Variants in CC2D2A observed in about 807,000 individuals in gnomAD.
The protein encoded by CC2D2A is coiled-coil and C2 domain containing 2A, also known as coiled-coil and C2 domain-containing protein 2A.
CC2D2A carries 155 observed loss-of-function variants against 212.9 expected under a neutral mutation model. The ratio of observed to expected loss-of-function variants is 0.73; its 90% confidence interval spans 0.64 to 0.83. The LOEUF (loss-of-function observed/expected upper bound fraction) is 0.83. Among genes scored for constraint, CC2D2A ranks in the 40% least tolerant of loss-of-function variants. The pLI, the probability that CC2D2A is intolerant of heterozygous loss-of-function variation, is 0.00. For synonymous variants in CC2D2A, 667 were observed against 686.5 expected (o/e 0.97, Z 0.44); for missense variants, 1,856 against 1,956.2 (o/e 0.95, Z 0.97).
chr4:15,515,661 C>T (rs548937949), intron 9 of CC2D2A, among the ~76,000 whole-genome samples: 11 of 152,272 alleles, frequency 7.2e-5, no homozygotes, highest in Non-Finnish European at 1.3e-4. Flanking sequence ...AATTTTTAGG[C>T]GTTTTCTTTA....
chr4:15,561,079 G>A (rs1719573171), intron 23 of CC2D2A, among the ~76,000 whole-genome samples: 1 of 152,202 alleles, frequency 6.6e-6, no homozygotes, highest in African/African-American at 2.4e-5. Flanking sequence ...CACAGCTGGT[G>A]GGCAGAGAGC....
chr4:15,513,718 C>T (rs753273099), intron 8 of CC2D2A, among the ~76,000 whole-genome samples: 5 of 152,224 alleles, frequency 3.3e-5, no homozygotes, highest in African/African-American at 7.2e-5. Context: ...TTGCTCACCA[C>T]GAAGCAGAGG....
At chr4:15,500,844 G>T (rs933733052) in intron 4 of CC2D2A, among the ~76,000 whole-genome samples, 1 of 152,054 alleles carries the variant, frequency 6.6e-6, no homozygotes, top group African/African-American at 2.4e-5. Context: ...CAAGCGTGAG[G>T]ATCCTTCTCT....
At chr4:15,572,560 G>A (rs1161643558) in intron 28 of CC2D2A, among the ~76,000 whole-genome samples, 1 of 151,452 alleles carries the variant, frequency 6.6e-6, no homozygotes, top group African/African-American at 2.4e-5. Context: ...CATCTAGTGT[G>A]CAGATGCTAG....
intron 19 of CC2D2A, among the ~76,000 whole-genome samples, chr4:15,554,051 C>T (rs535220646): frequency 3.3e-5 from 5 of 152,290 alleles, no homozygotes. Flanking sequence ...TCCCTTGATG[C>T]CTTCAATCCC....
At chr4:15,579,474 C>T (rs538167012) in intron 29 of CC2D2A, among the ~76,000 whole-genome samples, 12 of 152,212 alleles carry the variant, frequency 7.9e-5, no homozygotes, top group African/African-American at 2.9e-4. Flanking sequence ...TTAGTTATTT[C>T]ACTGCTTATG....
chr4:15,586,953 A>G lies in CC2D2A; in HGVS notation c.4065+707A>G, dbSNP rs1024169517. On this transcript the variant is annotated intron_variant, in intron 31 of 36. Transcript: ENST00000424120. Reference sequence around the variant, plus strand: ...CATTTTGGCAACATAAATGTTGACAATTTTAGAGATAAAATTTCTACAACT... The same window carrying G: ...CATTTTGGCAACATAAATGTTGACAGTTTTAGAGATAAAATTTCTACAACT... Among the ~76,000 whole-genome samples, 5 of 152,210 alleles carry G rather than the reference A, an allele frequency of 3.3e-5. No individual in the cohort carries two copies. In the East Asian group the frequency reaches 7.7e-4, roughly 23 times the overall value.
chr4:15,475,846 T>C (rs1714176591), intron 1 of CC2D2A, 69 bp from the exon 2 acceptor site: 3 of 1,221,738 alleles, frequency 2.5e-6, no homozygotes, highest in Non-Finnish European at 1.2e-6. Flanking sequence ...GCCTCTTACA[T>C]ATCCATAGTA....
At chr4:15,517,433 T>C (rs1716948342) in intron 11 of CC2D2A, among the ~76,000 whole-genome samples, 1 of 152,082 alleles carries the variant, frequency 6.6e-6, no homozygotes, top group Non-Finnish European at 1.5e-5. Flanking sequence ...AACCGGAGAG[T>C]TTCTATCCTT....
At chr4:15,542,094 TA>T (rs1224489256) in intron 17 of CC2D2A, among the ~76,000 whole-genome samples, 2 of 152,182 alleles carry the variant, frequency 1.3e-5, no homozygotes, top group Non-Finnish European at 2.9e-5. Context: ...TTGTCGCTTA[TA>T]AGAACACTCT....
chr4:15,526,276 G>A (rs1394168638), intron 11 of CC2D2A, among the ~76,000 whole-genome samples: 1 of 76,874 alleles, frequency 1.3e-5, no homozygotes, highest in Non-Finnish European at 3.9e-5. Context: ...AGTGATCTAC[G>A]AAATGCTAAT....
chr4:15,482,647 T>A (rs1174527738), intron 4 of CC2D2A, among the ~76,000 whole-genome samples: 1 of 152,150 alleles, frequency 6.6e-6, no homozygotes. Context: ...TATCTCTAAA[T>A]GCAGTCAGAT....
intron 13 of CC2D2A, among the ~76,000 whole-genome samples, chr4:15,531,541 C>T (rs1031565158): frequency 1.3e-5 from 2 of 152,130 alleles, no homozygotes; most frequent in Non-Finnish European, 2.9e-5. Context: ...CCAGTGGCTC[C>T]CAAAGTTTCA....
At chr4:15,543,298 A>T (rs1270961887) in intron 17 of CC2D2A, among the ~76,000 whole-genome samples, 2 of 152,046 alleles carry the variant, frequency 1.3e-5, no homozygotes, top group Non-Finnish European at 2.9e-5. Context: ...GTGCCACGTA[A>T]TTTTTTTAAA....
In CC2D2A at chr4:15,540,933, A is replaced by T; in HGVS notation, c.2100A>T (p.Pro700=). The T allele has an allele frequency of 6.4e-7, 1 of 1,570,326 alleles. No homozygotes were observed. Among genetic ancestry groups the T allele is most frequent in the Non-Finnish European group, 8.6e-7 (1 of 1,157,348 alleles). Residue 700 remains proline (P), a synonymous_variant, in exon 17 of 37, where the codon CCA becomes CCT. Coordinates refer to ENST00000424120, the MANE Select transcript of CC2D2A (RefSeq NM_001378615.1). ...NKEVSRTVSR[P]LGADFRVHFG... ...AGGTGTCCAGGACAGTCAGTCGGCCACTAGGAGCAGACTTCCGAGTTCACT... is the reference window on the plus strand; with the variant it reads ...AGGTGTCCAGGACAGTCAGTCGGCCTCTAGGAGCAGACTTCCGAGTTCACT...
intron 6 of CC2D2A, among the ~76,000 whole-genome samples, chr4:15,509,230 T>G (rs762203847): frequency 6.6e-6 from 1 of 152,106 alleles, no homozygotes; most frequent in Non-Finnish European, 1.5e-5. Context: ...TGTTTGGAAA[T>G]GATCCTCTGT....
At chr4:15,599,471 A>G (rs1237241202) in intron 35 of CC2D2A, 58 bp from the exon 36 acceptor site, 4 of 1,215,044 alleles carry the variant, frequency 3.3e-6, no homozygotes, top group African/African-American at 1.5e-5. Context: ...TACTACATAC[A>G]TTTTTTAACA....
chr4:15,578,522 A>G (rs1720506724), intron 29 of CC2D2A, among the ~76,000 whole-genome samples: 1 of 152,256 alleles, frequency 6.6e-6, no homozygotes. Flanking sequence ...AGATAAAAAA[A>G]CAAAATCCCT....
intron 22 of CC2D2A, 65 bp downstream of exon 22, chr4:15,559,322 T>C: frequency 9.9e-7 from 1 of 1,015,210 alleles, no homozygotes; most frequent in South Asian, 1.5e-5. Context: ...AGGTGGAAAG[T>C]CCTCTACTCT....
Sources: gnomAD v4.1 joint callset for allele counts (sites outside exome capture counted in the v4.1 genomes callset) on GRCh38, gnomAD v4.1.1 for gene constraint, MANE v1.5 for transcripts, NCBI Gene and HGNC (gene_info 2026-07-23, HGNC 2026-07-21) for gene names.